Variants in TRAF3 observed in about 807,000 individuals in gnomAD.
The protein encoded by TRAF3 is TNF receptor-associated factor 3.
Under a neutral mutation model 62.3 loss-of-function variants are expected in TRAF3, and 13 were observed. The observed-to-expected ratio is 0.21, with a 90% CI of 0.14 to 0.33. The LOEUF is 0.33. TRAF3 is among the 10% of genes least tolerant of loss of function. The pLI is 1.00. For synonymous variants in TRAF3, 269 were observed against 283.4 expected (o/e 0.95, Z 0.51); for missense variants, 440 against 741.8 (o/e 0.59, Z 4.73).
At chr14:102,846,532 G>A in intron 2 of TRAF3, among the ~76,000 whole-genome samples, 1 of 148,832 alleles carries the variant, frequency 6.7e-6, no homozygotes, top group Non-Finnish European at 1.5e-5. Context: ...TTAAAGCACA[G>A]TAGCTCATGC....
At chr14:102,798,762 CT>C (rs1898233736) in intron 1 of TRAF3, among the ~76,000 whole-genome samples, 1 of 152,208 alleles carries the variant, frequency 6.6e-6, no homozygotes, top group South Asian at 2.1e-4. Context: ...GGCATGACCA[CT>C]GTACCCGGCC....
intron 1 of TRAF3, among the ~76,000 whole-genome samples, chr14:102,829,707 T>C (rs1595339298): frequency 6.6e-6 from 1 of 152,262 alleles, no homozygotes; most frequent in South Asian, 2.1e-4. Context: ...CAGGGTATCA[T>C]GGGGATTGGT....
chr14:102,898,833 T>C (rs191948057), intron 10 of TRAF3, among the ~76,000 whole-genome samples: 1 of 152,308 alleles, frequency 6.6e-6, no homozygotes, highest in East Asian at 1.9e-4. Context: ...ACTTGAAAAC[T>C]TTTGTGATTG....
At chr14:102,880,688 G>A (rs188866299) in intron 6 of TRAF3, among the ~76,000 whole-genome samples, 1 of 152,354 alleles carries the variant, frequency 6.6e-6, no homozygotes, top group African/African-American at 2.4e-5. Flanking sequence ...ATTGACAATA[G>A]CAAAGACATG....
chr14:102,859,627 T>C (rs1446738963), intron 2 of TRAF3, among the ~76,000 whole-genome samples: 1 of 152,276 alleles, frequency 6.6e-6, no homozygotes, highest in Non-Finnish European at 1.5e-5. Context: ...AAATTTTCTT[T>C]ACTTCCCACA....
chr14:102,904,809 CAAAAAAAAAA>C (rs36006172), intron 11 of TRAF3, among the ~76,000 whole-genome samples: 1 of 80,008 alleles, frequency 1.2e-5, no homozygotes, highest in East Asian at 3.4e-4. Flanking sequence ...GACTCCATCT[CAAAAAAAAAA>C]AAAAAAAAAG....
Position 102,887,718 on chromosome 14 carries a change from C to T in TRAF3, c.651+1449C>T, listed in dbSNP as rs534101226. On this transcript the variant is annotated intron_variant, in intron 7 of 11. Transcript: ENST00000392745. ...CACACCATTCTCCTGCCTCAGCCTC[C>T]CGAGTAGCTGGGACTACAGGCGCCT... Among the ~76,000 whole-genome samples, 4 of 152,046 alleles carry T rather than the reference C, an allele frequency of 2.6e-5. No homozygotes were observed. The South Asian group carries it at 8.3e-4, about 32-fold the overall frequency.
At chr14:102,784,439 T>C (rs762504525) in intron 1 of TRAF3, among the ~76,000 whole-genome samples, 2 of 152,028 alleles carry the variant, frequency 1.3e-5, no homozygotes, top group Non-Finnish European at 2.9e-5. Context: ...GCCAGGCTGG[T>C]CTTGAACTCC....
At chr14:102,781,507 C>A (rs12887521) in intron 1 of TRAF3, among the ~76,000 whole-genome samples, 86,538 of 152,000 alleles carry the variant, frequency 0.57, 25,711 homozygotes, top group Middle Eastern at 0.74. Flanking sequence ...AAATGTTAAA[C>A]AGCCCCTTCC....
In TRAF3 at chr14:102,826,867, CAG is replaced by C; in HGVS notation, c.-156-3464_-156-3463del. Among the ~76,000 whole-genome samples the C allele has an allele frequency of 6.6e-6, 1 of 152,170 alleles. No homozygotes were observed. The highest frequency in any genetic ancestry group is 1.5e-5 in the Non-Finnish European group (1 of 68,028). ...GGCGGCGTGGTGAGGTCGCACAACACAGAGCTGCCCTGCTGTGTCCATGCCCT... is the reference window on the plus strand; with the variant it reads ...GGCGGCGTGGTGAGGTCGCACAACACAGCTGCCCTGCTGTGTCCATGCCCT... On this transcript the variant is annotated intron_variant, in intron 1 of 11. Transcript: ENST00000392745. This position sits in a 1 kb window ranked among gnomAD's most constrained non-coding sequence, Gnocchi z 4.6.
At chr14:102,803,517 A>G (rs1898576451) in intron 1 of TRAF3, among the ~76,000 whole-genome samples, 1 of 152,196 alleles carries the variant, frequency 6.6e-6, no homozygotes, top group Non-Finnish European at 1.5e-5. Context: ...AAGCTCAGTA[A>G]AATTTAGCAG....
intron 1 of TRAF3, among the ~76,000 whole-genome samples, chr14:102,795,633 C>G (rs1898041636): frequency 9.5e-6 from 1 of 105,008 alleles, no homozygotes; most frequent in African/African-American, 3.3e-5. Flanking sequence ...TAGTTTTCAT[C>G]CATTGTTTCT....
chr14:102,869,359 A>G (rs1356590470), intron 2 of TRAF3, among the ~76,000 whole-genome samples: 1 of 152,088 alleles, frequency 6.6e-6, no homozygotes, highest in Non-Finnish European at 1.5e-5. Context: ...TAGCATTGAG[A>G]CTCATCTAGC....
At chr14:102,812,931 G>A (rs1028894152) in intron 1 of TRAF3, among the ~76,000 whole-genome samples, 1 of 151,718 alleles carries the variant, frequency 6.6e-6, no homozygotes, top group African/African-American at 2.4e-5. Flanking sequence ...AAAAAAAAAA[G>A]TTGCCTTTTC....
chr14:102,816,244 G>C (rs146846277), intron 1 of TRAF3, among the ~76,000 whole-genome samples: 93 of 151,948 alleles, frequency 6.1e-4, no homozygotes, highest in African/African-American at 2.2e-3. Flanking sequence ...CTGGGACTAC[G>C]AGCACATGCC....
intron 2 of TRAF3, among the ~76,000 whole-genome samples, chr14:102,869,704 G>A (rs141924912): frequency 6.6e-6 from 1 of 151,816 alleles, no homozygotes; most frequent in South Asian, 2.1e-4. Flanking sequence ...TACTCGGGAG[G>A]CTGAGGCAGG....
intron 7 of TRAF3, among the ~76,000 whole-genome samples, chr14:102,886,903 C>T (rs1018087226): frequency 1.3e-5 from 2 of 152,174 alleles, no homozygotes; most frequent in African/African-American, 4.8e-5. Context: ...ATAGTAATTG[C>T]TGTAAGATTA....
intron 1 of TRAF3, among the ~76,000 whole-genome samples, chr14:102,786,514 C>A (rs1897509383): frequency 6.6e-6 from 1 of 152,126 alleles, no homozygotes; most frequent in Admixed American, 6.5e-5. Flanking sequence ...ATAGTGAAAA[C>A]CCATCTCACC....
chr14:102,829,007 A>C (rs997203328), intron 1 of TRAF3, among the ~76,000 whole-genome samples: 3 of 152,174 alleles, frequency 2.0e-5, no homozygotes, highest in African/African-American at 7.2e-5. Flanking sequence ...TTAGAAGAGC[A>C]TTTTCAGATG....
Sources: allele counts gnomAD v4.1 joint callset (sites outside exome capture counted in the v4.1 genomes callset), GRCh38; gene constraint gnomAD v4.1.1; non-coding constraint Gnocchi (gnomAD v3.1); transcripts MANE v1.5; gene names NCBI Gene and HGNC (gene_info 2026-07-23, HGNC 2026-07-21).